NEURL4: variants seen among roughly 807,000 people sequenced by gnomAD.
The protein encoded by NEURL4 is neuralized E3 ubiquitin protein ligase 4, also known as neuralized-like protein 4.
NEURL4 carries 45 observed loss-of-function variants against 148.0 expected under a neutral mutation model. The observed-to-expected ratio is 0.30, with a 90% confidence interval of 0.24 to 0.39. The LOEUF is 0.39. Ranked by LOEUF, NEURL4 falls within the 10% of genes least tolerant of loss-of-function variation. NEURL4 has a pLI of 1.00. For missense variants in NEURL4, 1,776 were observed against 2,144.0 expected, an observed-to-expected ratio of 0.83 and a Z score of 3.39; for synonymous variants, 854 against 869.0, an observed-to-expected ratio of 0.98 and a Z score of 0.30.
At chr17:7,329,006 CT>C in intron 1 of NEURL4, 24 bp downstream of exon 1, 1 of 1,533,402 alleles carries the variant, frequency 6.5e-7, no homozygotes, top group Non-Finnish European at 8.8e-7. Flanking sequence ...CTCCACATCT[CT>C]GTTCCGCGGT....
At chr17:7,317,391 G>C in intron 27 of NEURL4, 21 bp from the exon 28 acceptor site, 2 of 1,603,112 alleles carry the variant, frequency 1.2e-6, no homozygotes, top group South Asian at 2.2e-5. Context: ...AACTGGGTCA[G>C]GATAGCCCTT....
chr17:7,318,916 C>T lies in NEURL4; in HGVS notation c.3684+134G>A. 1 of 1,051,922 alleles carries T rather than the reference C, an allele frequency of 9.5e-7. No homozygotes were observed. The allele number at this position is 1,051,922 out of a possible 1,614,324, so 65.2% of individuals were successfully genotyped here. On this transcript the variant is annotated intron_variant, in intron 22 of 28. Transcript: ENST00000399464. The surrounding 1 kb of genome is among the most constrained non-coding windows in gnomAD (Gnocchi z 4.3). ...GACTGACCAGGCAATGCTACTCGCC[C>T]TTGCCTGCCCATTACTGTTCCCCTT...
chr17:7,317,246 G>C lies in NEURL4; in HGVS notation c.4443C>G (p.Ser1481=), dbSNP rs551324054. 2.4e-5 allele frequency: 37 copies of C among 1,521,788 alleles called. 1 individual carries two copies. The South Asian group carries it at 4.5e-4, about 19-fold the overall frequency. The allele number at this position is 1,521,788 out of a possible 1,614,324, so 94.3% of individuals were successfully genotyped here. ...GGGTCTCCGCCCCAGCATATTGAAG[G>C]GAGGGGGAAAGCAGCACAGGAGGGG... is the stretch of plus-strand genomic sequence containing the variant. ...EQPPPVLLSP[S]LQYAGAETLA... Residue 1481 remains serine, a synonymous_variant, in exon 28 of 29, where the codon TCC becomes TCG. Coordinates refer to ENST00000399464, the MANE Select transcript of NEURL4 (RefSeq NM_032442.3).
chr17:7,325,142 C>CT, intron 8 of NEURL4, 67 bp downstream of exon 8: 1 of 1,115,592 alleles, frequency 9.0e-7, no homozygotes, highest in Non-Finnish European at 1.3e-6. Flanking sequence ...CTTCCACTTC[C>CT]TTGCCCCGCC....
At position 7,329,135 on chromosome 17, in the gene NEURL4, T is replaced by G; in HGVS notation, c.178A>C (p.Thr60Pro). 2 of 1,609,492 alleles carry G rather than the reference T, an allele frequency of 1.2e-6. No homozygotes were observed. Among genetic ancestry groups the G allele is most frequent in the Non-Finnish European group, 1.7e-6 (2 of 1,179,134 alleles). ...TGGCCCGGCTGCTGCCGCCGCGCCG[T>G]ACGCCCACAGGCCGACAGGCTCACC... ...RLVSLSACGR[T>P]ARRQQPGQEF... is the part of the protein sequence containing the mutation. Residue 60 changes from threonine (T) to proline (P), a missense_variant, in exon 1 of 29, where the codon ACG (threonine) becomes CCG (proline). Physicochemically the swap from Thr to Pro is conservative, Grantham distance 38. Transcript: ENST00000399464.
chr17:7,326,752 C>A lies in NEURL4; in HGVS notation c.1051G>T (p.Val351Phe). Residue 351 changes from valine (V) to phenylalanine (F), a missense_variant, in exon 4 of 29, where the codon GTC becomes TTC. Physicochemically the swap from Val to Phe is conservative, Grantham distance 50. Transcript: ENST00000399464. The surrounding 1 kb of genome is among the most constrained non-coding windows in gnomAD (Gnocchi z 6.0). ...RPLDEFNNGV[V>F]MTNRPLRDNE... ...TCCCGAAGGGGGCGATTGGTCATGA[C>A]AACCCCATTGTTGAATTCATCCAGG... is the stretch of plus-strand genomic sequence containing the variant. 2 of 1,613,202 alleles carry A rather than the reference C, an allele frequency of 1.2e-6. No individual in the cohort carries two copies. The highest frequency in any genetic ancestry group is 1.7e-6 in the Non-Finnish European group (2 of 1,179,814).
intron 28 of NEURL4, among the ~76,000 whole-genome samples, chr17:7,316,822 T>C (rs1174524230): frequency 6.6e-6 from 1 of 152,100 alleles, no homozygotes; most frequent in East Asian, 1.9e-4. Context: ...CTCAGGAGGC[T>C]GAGGCAGGAG....
At position 7,323,617 on chromosome 17, in the gene NEURL4, C is replaced by T. The variant is rs764271819; in HGVS notation, c.2338+30G>A. 1.2e-5 allele frequency: 19 copies of T among 1,613,716 alleles called. No homozygotes were observed. The South Asian group carries it at 2.0e-4, about 17-fold the overall frequency. On this transcript the variant is annotated intron_variant, in intron 13 of 28. Coordinates refer to ENST00000399464, the MANE Select transcript of NEURL4 (RefSeq NM_032442.3). ...CGATCCCCAAGGCACAGACATCCAACAGCCCCCAACACACACAGACGGCCC... is the reference window on the plus strand; with the variant it reads ...CGATCCCCAAGGCACAGACATCCAATAGCCCCCAACACACACAGACGGCCC...
Position 7,318,904 on chromosome 17 carries a change from A to G in NEURL4, c.3684+146T>C. 1 of 978,208 alleles carries G rather than the reference A, an allele frequency of 1.0e-6. No individual in the cohort carries two copies. The highest frequency in any genetic ancestry group is 1.7e-5 in the South Asian group (1 of 58,170). The allele number at this position is 978,208 out of a possible 1,614,324, so 60.6% of individuals were successfully genotyped here. A position where few individuals can be genotyped will look rare whatever the true frequency, so the allele number is the denominator to read the frequency against. ...CAGCAGGCCTAAGACTGACCAGGCA[A>G]TGCTACTCGCCCTTGCCTGCCCATT... is the stretch of plus-strand genomic sequence containing the variant. On this transcript the variant is annotated intron_variant, in intron 22 of 28. Transcript: ENST00000399464. The surrounding 1 kb of genome is among the most constrained non-coding windows in gnomAD (Gnocchi z 4.3).
At position 7,322,077 on chromosome 17, in the gene NEURL4, C is replaced by T; in HGVS notation, c.2726-67G>A. 1.3e-6 allele frequency: 2 copies of T among 1,511,112 alleles called. No individual in the cohort carries two copies. The highest frequency in any genetic ancestry group is 2.6e-5 in the South Asian group (2 of 77,284). 93.6% of individuals were successfully genotyped at this position (1,511,112 alleles called of 1,614,324 possible). The stretch of plus-strand genomic sequence containing the variant: ...AGCGAGCTTCAGGCAGAACACAGAG[C>T]AAAGCTTTCAGATGAAACGAAATGG... On this transcript the variant is annotated intron_variant, in intron 16 of 28. Coordinates refer to ENST00000399464, the MANE Select transcript of NEURL4 (RefSeq NM_032442.3). This position sits in a 1 kb window ranked among gnomAD's most constrained non-coding sequence, Gnocchi z 5.5.
At chr17:7,319,235 TCAC>T in intron 21 of NEURL4, 27 bp from the exon 22 acceptor site, 2 of 1,589,314 alleles carry the variant, frequency 1.3e-6, no homozygotes, top group Non-Finnish European at 1.7e-6. Context: ...TACTCCATAA[TCAC>T]AGCCTCCTGG....
intron 12 of NEURL4, 23 bp downstream of exon 12, chr17:7,323,791 G>A: frequency 6.2e-7 from 1 of 1,614,046 alleles, no homozygotes; most frequent in Non-Finnish European, 8.5e-7. Flanking sequence ...GGAAGGTGGG[G>A]ACATGAAAGT....
At chr17:7,325,101 C>A (rs2073084838) in intron 8 of NEURL4, 108 bp downstream of exon 8, 1 of 1,530,320 alleles carries the variant, frequency 6.5e-7, no homozygotes, top group South Asian at 1.2e-5. Flanking sequence ...GCTCAACCTC[C>A]AGGAAGCTGC....
At position 7,325,421 on chromosome 17, in the gene NEURL4, G is replaced by A. The variant is rs761494483; in HGVS notation, c.1419C>T (p.Tyr473=). 1.8e-5 allele frequency: 29 copies of A among 1,612,658 alleles called. No individual in the cohort carries two copies. The highest frequency in any genetic ancestry group is 4.0e-5 in the African/African-American group (3 of 74,884). ...PPVVYGVVDL[Y]GMAVKVTIVH... is the part of the protein sequence containing the mutation. ...CGATGGTCACCTTCACTGCCATCCC[G>A]TACAAGTCCACCACACCATACACCA... Residue 473 remains tyrosine, a synonymous_variant, in exon 8 of 29, where the codon TAC becomes TAT. Coordinates refer to ENST00000399464, the MANE Select transcript of NEURL4 (RefSeq NM_032442.3).
In NEURL4 at chr17:7,321,086, C is replaced by G. The variant is rs370736095; in HGVS notation, c.3360+26G>C. 2 of 1,611,080 alleles carry G rather than the reference C, an allele frequency of 1.2e-6. No individual in the cohort carries two copies. Among genetic ancestry groups the G allele is most frequent in the Non-Finnish European group, 1.7e-6 (2 of 1,178,584 alleles). On this transcript the variant is annotated intron_variant, in intron 20 of 28. Transcript: ENST00000399464. This position sits in a 1 kb window ranked among gnomAD's most constrained non-coding sequence, Gnocchi z 6.3. ...CCCAGCAACTGCCCATCCATGTGCA[C>G]AGCAGACCATGCTGCAGCCTCTTAC...
At position 7,327,652 on chromosome 17, in the gene NEURL4, C is replaced by A; in HGVS notation, c.515G>T (p.Trp172Leu). 1 of 1,613,742 alleles carries A rather than the reference C, an allele frequency of 6.2e-7. No individual in the cohort carries two copies. Among genetic ancestry groups the A allele is most frequent in the Non-Finnish European group, 8.5e-7 (1 of 1,179,990 alleles). ...CACACCGCAATCCCGCCCATTCACC[C>A]AGAGCCGAAGCTCCCCAGCAACTGT... is the stretch of plus-strand genomic sequence containing the variant. ...ERTVAGELRL[W>L]VNGRDCGVAA... The change falls in exon 2 of 29, where the codon TGG becomes TTG. Residue 172 changes from tryptophan to leucine, a missense_variant. By Grantham distance (61) the Trp-to-Leu change is moderately conservative. Coordinates refer to ENST00000399464, the MANE Select transcript of NEURL4 (RefSeq NM_032442.3). This position sits in a 1 kb window ranked among gnomAD's most constrained non-coding sequence, Gnocchi z 6.6.
chr17:7,317,834 G>A lies in NEURL4; in HGVS notation c.4159C>T (p.Pro1387Ser), dbSNP rs1276679695. The change falls in exon 26 of 29, where the codon CCC (proline) becomes TCC (serine). Residue 1387 changes from proline to serine, a missense_variant. Physicochemically the swap from Pro to Ser is moderately conservative, Grantham distance 74 (BLOSUM62 -1). Coordinates refer to ENST00000399464, the MANE Select transcript of NEURL4 (RefSeq NM_032442.3). Reference protein sequence around the residue: ...DEAHRRRGEPPREYALPFGWC... With the variant: ...DEAHRRRGEPSREYALPFGWC... ...CCAAAGGGCAGTGCATATTCCCGGG[G>A]AGGCTCCCCTCTGCGCCTGTGGGCC... is the stretch of plus-strand genomic sequence containing the variant. The A allele has an allele frequency of 4.3e-6, 7 of 1,614,058 alleles. No individual in the cohort carries two copies. In the East Asian group the frequency reaches 6.7e-5, roughly 15 times the overall value.
chr17:7,321,931 A>T lies in NEURL4; in HGVS notation c.2805T>A (p.Arg935=), dbSNP rs1253640068. Residue 935 remains arginine (R), a synonymous_variant, in exon 17 of 29, where the codon CGT becomes CGA. Coordinates refer to ENST00000399464, the MANE Select transcript of NEURL4 (RefSeq NM_032442.3). This position sits in a 1 kb window ranked among gnomAD's most constrained non-coding sequence, Gnocchi z 6.3. ...CAAGGCCATGAGCATAGCCAGCGGCACGCACTGCCCTCGTGCCATCCTCCT... is the reference window on the plus strand; with the variant it reads ...CAAGGCCATGAGCATAGCCAGCGGCTCGCACTGCCCTCGTGCCATCCTCCT... ...TLEEDGTRAV[R]AAGYAHGLVF... The T allele has an allele frequency of 1.2e-6, 2 of 1,613,946 alleles. No individual in the cohort carries two copies. The highest frequency in any genetic ancestry group is 1.3e-5 in the African/African-American group (1 of 75,046).
At position 7,323,494 on chromosome 17, in the gene NEURL4, C is replaced by G. The variant is rs765123765; in HGVS notation, c.2408G>C (p.Trp803Ser). 1 of 1,614,190 alleles carries G rather than the reference C, an allele frequency of 6.2e-7. No individual in the cohort carries two copies. ...NTMTDIDYDT[W>S]MLSGTAIMQD... ...AAGCAGGAAGCCCAACCTCAGCATC[C>G]ATGTGTCATAGTCAATGTCTGTCAT... Residue 803 changes from tryptophan to serine, a missense_variant, in exon 14 of 29, where the codon TGG becomes TCG. Coordinates refer to ENST00000399464, the MANE Select transcript of NEURL4 (RefSeq NM_032442.3).
Sources: allele counts gnomAD v4.1 joint callset (sites outside exome capture counted in the v4.1 genomes callset), GRCh38; gene constraint gnomAD v4.1.1; non-coding constraint Gnocchi (gnomAD v3.1); transcripts MANE v1.5; gene names NCBI Gene and HGNC (gene_info 2026-07-23, HGNC 2026-07-21).